Variants in IL19 observed in about 807,000 individuals in gnomAD.
IL19 encodes the protein interleukin 19.
A neutral mutation model predicts 19.5 loss-of-function variants in IL19; 15 were observed. The observed-to-expected ratio is 0.77, with a 90% CI of 0.52 to 1.19. The LOEUF (loss-of-function observed/expected upper bound fraction) is 1.19, where lower values mean the gene tolerates loss of function less well. Among genes scored for constraint, IL19 ranks in the 50% most tolerant of loss-of-function variants. The probability of loss-of-function intolerance (pLI) is 0.00; values close to 1 mark genes in which losing one functional copy is unlikely to be tolerated. For synonymous variants in IL19, 78 were observed against 78.3 expected (o/e 1.00, Z 0.02); for missense variants, 199 against 213.1 (o/e 0.93, Z 0.41).
In IL19 at chr1:206,789,387, C is replaced by T. The variant is rs180835710; in HGVS notation, c.-148-9474C>T. Among the ~76,000 whole-genome samples the T allele has an allele frequency of 3.4e-3, 519 of 152,252 alleles. 7 individuals are homozygous for T. The highest frequency in any genetic ancestry group is 0.012 in the African/African-American group (496 of 41,542). On this transcript the variant is annotated intron_variant, in intron 1 of 6. Transcript: ENST00000659997. ...AGTGACCATTATACCACCCCTTATG[C>T]CTTTGTGAATCCATAGCTTAGCTCC... is the stretch of plus-strand genomic sequence containing the variant.
chr1:206,806,840 T>TCTCAACCC (rs1675859691), intron 2 of IL19, among the ~76,000 whole-genome samples: 2 of 152,192 alleles, frequency 1.3e-5, no homozygotes, highest in African/African-American at 4.8e-5. Context: ...TCTAAGCCAT[T>TCTCAACCC]TTGTACATGT....
intron 2 of IL19, among the ~76,000 whole-genome samples, chr1:206,802,976 AG>A (rs1675756304): frequency 6.6e-6 from 1 of 152,204 alleles, no homozygotes; most frequent in Non-Finnish European, 1.5e-5. Context: ...TGGAAGGGCG[AG>A]GGGGACGTCA....
intron 1 of IL19, among the ~76,000 whole-genome samples, chr1:206,791,846 A>G (rs1675413016): frequency 1.3e-5 from 2 of 152,192 alleles, no homozygotes; most frequent in Admixed American, 6.5e-5. Context: ...ACCTCTCACC[A>G]TCCCAGAAAA....
chr1:206,772,361 C>T, intron 1 of IL19: 1 of 1,614,226 alleles, frequency 6.2e-7, no homozygotes, highest in Admixed American at 1.7e-5. Context: ...TGTTCTCAGA[C>T]TGGGTGCCCT....
intron 4 of IL19, among the ~76,000 whole-genome samples, chr1:206,837,483 A>G (rs951362671): frequency 1.3e-4 from 20 of 152,086 alleles, no homozygotes; most frequent in Admixed American, 1.2e-3. Context: ...GAGTGGTGGG[A>G]GATGAAGTGA....
chr1:206,809,738 T>A (rs759641233), intron 2 of IL19, among the ~76,000 whole-genome samples: 1 of 152,158 alleles, frequency 6.6e-6, no homozygotes, highest in African/African-American at 2.4e-5. Context: ...ACAAGAAATA[T>A]AGTAGCTGGG....
At chr1:206,796,627 A>G (rs1675528965) in intron 1 of IL19, among the ~76,000 whole-genome samples, 1 of 152,198 alleles carries the variant, frequency 6.6e-6, no homozygotes, top group Non-Finnish European at 1.5e-5. Context: ...ATAACCTACC[A>G]TCATGTTACA....
intron 1 of IL19, among the ~76,000 whole-genome samples, chr1:206,792,536 A>C (rs1230230883): frequency 1.3e-5 from 2 of 151,948 alleles, no homozygotes; most frequent in Admixed American, 6.6e-5. Context: ...GGCTCACTGC[A>C]AACTCCGCTT....
intron 2 of IL19, among the ~76,000 whole-genome samples, chr1:206,822,075 T>A (rs1268439192): frequency 1.3e-5 from 2 of 152,124 alleles, no homozygotes; most frequent in Non-Finnish European, 2.9e-5. Flanking sequence ...CTGTGATTAA[T>A]ATTTGGTGCT....
intron 2 of IL19, among the ~76,000 whole-genome samples, chr1:206,825,068 A>G (rs977847705): frequency 2.0e-5 from 3 of 152,148 alleles, no homozygotes; most frequent in African/African-American, 7.2e-5. Context: ...CTGAATCCAA[A>G]TCTTTTAATG....
In IL19 at chr1:206,797,837, G is replaced by C. The variant is rs551737418; in HGVS notation, c.-148-1024G>C. On this transcript the variant is annotated intron_variant, in intron 1 of 6. Coordinates refer to ENST00000659997, the MANE Select transcript of IL19 (RefSeq NM_153758.5). ...GCCACATTCAGGGATATTGACTTCT[G>C]GCTCTTTCTCCACGTGACTATGAGA... 1.1e-3 allele frequency among the ~76,000 whole-genome samples: 164 copies of C among 152,314 alleles called. 1 individual carries two copies. Among genetic ancestry groups the C allele is most frequent in the African/African-American group, 3.9e-3 (162 of 41,558 alleles).
At chr1:206,832,592 T>C (rs1676645165) in intron 2 of IL19, among the ~76,000 whole-genome samples, 1 of 152,222 alleles carries the variant, frequency 6.6e-6, no homozygotes, top group African/African-American at 2.4e-5. Context: ...TTCTTCTGGG[T>C]CTTGACATGC....
intron 2 of IL19, among the ~76,000 whole-genome samples, chr1:206,809,355 G>T (rs900517130): frequency 6.6e-6 from 1 of 152,194 alleles, no homozygotes; most frequent in African/African-American, 2.4e-5. Context: ...AGTTGTACTT[G>T]GTGTGGGGTG....
intron 1 of IL19, among the ~76,000 whole-genome samples, chr1:206,790,745 C>A (rs955942543): frequency 6.6e-6 from 1 of 152,172 alleles, no homozygotes; most frequent in Non-Finnish European, 1.5e-5. Flanking sequence ...CATTGCCCCC[C>A]ACTGCCCAGG....
At chr1:206,778,242 G>T (rs1013214365) in intron 1 of IL19, among the ~76,000 whole-genome samples, 3 of 152,166 alleles carry the variant, frequency 2.0e-5, no homozygotes, top group Admixed American at 6.5e-5. Flanking sequence ...TGCAACTATG[G>T]CACCAAATCA....
chr1:206,841,942 C>T (rs758608195), intron 6 of IL19, among the ~76,000 whole-genome samples: 3 of 152,168 alleles, frequency 2.0e-5, no homozygotes, highest in Admixed American at 1.3e-4. Context: ...TTCAATTCCA[C>T]GCTGGCTGGC....
rs139570137 is a variant in IL19 at position 206,779,572 on chromosome 1, C to T, written c.-149+8494C>T. On this transcript the variant is annotated intron_variant, in intron 1 of 6. Transcript: ENST00000659997. ...CCAAATTGTTATTCTAATATCCATT[C>T]TCTAGACCGTTCTCCACGTTGTAGC... is the stretch of plus-strand genomic sequence containing the variant. Among the ~76,000 whole-genome samples, 417 of 152,284 alleles carry T rather than the reference C, an allele frequency of 2.7e-3. 3 individuals are homozygous for T. Among genetic ancestry groups the T allele is most frequent in the African/African-American group, 9.5e-3 (393 of 41,548 alleles).
At position 206,832,114 on chromosome 1, in the gene IL19, G is replaced by A. The variant is rs528272352; in HGVS notation, c.-2-4547G>A. ...TCCCACCCCTCTGGGGGAAACAAGG[G>A]TGGGAGTAGGGGAGATTCCCGAGGT... On this transcript the variant is annotated intron_variant, in intron 2 of 6. Coordinates refer to ENST00000659997, the MANE Select transcript of IL19 (RefSeq NM_153758.5). 2.0e-5 allele frequency among the ~76,000 whole-genome samples: 3 copies of A among 152,376 alleles called. No individual in the cohort carries two copies. In the East Asian group the frequency reaches 5.8e-4, roughly 29 times the overall value.
intron 2 of IL19, among the ~76,000 whole-genome samples, chr1:206,827,251 ATAT>A (rs1344149155): frequency 3.3e-5 from 5 of 152,062 alleles, no homozygotes; most frequent in Non-Finnish European, 7.4e-5. Context: ...ATGAATAGAA[ATAT>A]TATTTTTTTC....
Sources: allele counts gnomAD v4.1 joint callset (sites outside exome capture counted in the v4.1 genomes callset), GRCh38; gene constraint gnomAD v4.1.1; transcripts MANE v1.5; gene names NCBI Gene and HGNC (gene_info 2026-07-23, HGNC 2026-07-21).